UBXN2A: variants seen among roughly 807,000 people sequenced by gnomAD.
UBXN2A encodes the protein UBX domain-containing protein 2A.
In UBXN2A, 28 loss-of-function variants were observed where a neutral mutation model predicts 28.4. The observed-to-expected ratio is 0.99, with a 90% CI of 0.73 to 1.35. UBXN2A has a LOEUF of 1.35. Ranked by LOEUF, UBXN2A falls within the 40% of genes most tolerant of loss-of-function variation. The pLI, the probability that UBXN2A is intolerant of heterozygous loss-of-function variation, is 0.00. For synonymous variants in UBXN2A, 97 were observed against 103.6 expected, an observed-to-expected ratio of 0.94 and a Z score of 0.39; for missense variants, 253 against 297.9, an observed-to-expected ratio of 0.85 and a Z score of 1.11.
chr2:23,946,711 C>T (rs1243361859), intron 1 of UBXN2A, among the ~76,000 whole-genome samples: 2 of 152,104 alleles, frequency 1.3e-5, no homozygotes, highest in African/African-American at 4.8e-5. Context: ...CTGCCTCAGC[C>T]TCCCAAAGTG....
chr2:23,987,960 A>G (rs553691069), intron 6 of UBXN2A, among the ~76,000 whole-genome samples: 42 of 151,758 alleles, frequency 2.8e-4, no homozygotes, highest in African/African-American at 9.4e-4. Context: ...CATCTCTACT[A>G]AAAATACAAA....
At chr2:23,987,291 A>C (rs971046374) in intron 6 of UBXN2A, among the ~76,000 whole-genome samples, 1 of 152,194 alleles carries the variant, frequency 6.6e-6, no homozygotes, top group Non-Finnish European at 1.5e-5. Flanking sequence ...GATTCTTATC[A>C]GTATACCTTA....
intron 3 of UBXN2A, among the ~76,000 whole-genome samples, chr2:23,975,814 C>T (rs974502504): frequency 4.6e-5 from 7 of 152,016 alleles, no homozygotes; most frequent in Admixed American, 1.3e-4. Flanking sequence ...TTAGTAGAGA[C>T]GGGGTTTCTC....
At chr2:23,956,527 AT>A (rs1706633621) in intron 1 of UBXN2A, among the ~76,000 whole-genome samples, 1 of 151,374 alleles carries the variant, frequency 6.6e-6, no homozygotes, top group African/African-American at 2.4e-5. Flanking sequence ...TAATTTTTGT[AT>A]TTTTAGTGGA....
intron 1 of UBXN2A, among the ~76,000 whole-genome samples, chr2:23,956,687 G>A (rs977535326): frequency 5.3e-5 from 8 of 152,166 alleles, no homozygotes; most frequent in African/African-American, 1.7e-4. Context: ...CTTTTCTGGG[G>A]TAAAAGTTTC....
upstream of UBXN2A, chr2:23,939,719 G>A (rs376886138): frequency 6.6e-6 from 1 of 152,436 alleles, no homozygotes. Flanking sequence ...AATTTAGAGG[G>A]TCTGGGCCTG....
intron 4 of UBXN2A, among the ~76,000 whole-genome samples, chr2:23,978,264 A>G (rs1371084152): frequency 2.0e-5 from 3 of 152,230 alleles, no homozygotes; most frequent in East Asian, 3.8e-4. Context: ...ATGTTTAAAT[A>G]TCTTTAAAGT....
intron 1 of UBXN2A, among the ~76,000 whole-genome samples, chr2:23,954,488 T>C (rs1439633245): frequency 6.6e-6 from 1 of 152,222 alleles, no homozygotes; most frequent in Non-Finnish European, 1.5e-5. Context: ...CAAAATGTTT[T>C]CCTCAGCAGC....
At chr2:23,953,717 ATG>A (rs1706482200) in intron 1 of UBXN2A, among the ~76,000 whole-genome samples, 1 of 152,206 alleles carries the variant, frequency 6.6e-6, no homozygotes, top group African/African-American at 2.4e-5. Context: ...GTTGAAGAAA[ATG>A]GATCATTTTT....
At chr2:23,944,919 A>G (rs1573534936) in intron 1 of UBXN2A, among the ~76,000 whole-genome samples, 1 of 152,332 alleles carries the variant, frequency 6.6e-6, no homozygotes, top group East Asian at 1.9e-4. Context: ...AGCTGCTTTG[A>G]GGAGAAAATA....
intron 4 of UBXN2A, chr2:23,977,287 A>C: frequency 5.1e-6 from 1 of 195,512 alleles, no homozygotes; most frequent in South Asian, 1.3e-4. Flanking sequence ...TGCTTGCACT[A>C]CTGCACTCCA....
At chr2:23,998,577 G>T (rs773210494) in intron 6 of UBXN2A, among the ~76,000 whole-genome samples, 1 of 152,080 alleles carries the variant, frequency 6.6e-6, no homozygotes, top group African/African-American at 2.4e-5. Context: ...AAAACTAGCC[G>T]GATGTGGTGG....
intron 1 of UBXN2A, among the ~76,000 whole-genome samples, chr2:23,930,994 GTC>G (rs1401475948): frequency 6.6e-6 from 1 of 152,100 alleles, no homozygotes; most frequent in Non-Finnish European, 1.5e-5. Flanking sequence ...GTGAAACCCT[GTC>G]TCTCCTAAAA....
intron 5 of UBXN2A, 50 bp from the exon 6 acceptor site, chr2:23,984,623 G>A (rs747842619): frequency 7.3e-7 from 1 of 1,363,644 alleles, no homozygotes; most frequent in Non-Finnish European, 9.5e-7. Flanking sequence ...TAATAATAAA[G>A]TTTTATTGAA....
chr2:23,987,798 A>T (rs973948670), intron 6 of UBXN2A, among the ~76,000 whole-genome samples: 3 of 151,100 alleles, frequency 2.0e-5, no homozygotes, highest in African/African-American at 4.9e-5. Flanking sequence ...AAAACAAAAA[A>T]AACTTACAGA....
chr2:23,945,779 CAATTTTTAATTT>C (rs1048413649), intron 1 of UBXN2A, among the ~76,000 whole-genome samples: 3 of 151,108 alleles, frequency 2.0e-5, no homozygotes, highest in Non-Finnish European at 2.9e-5. Flanking sequence ...TTGTAATGTG[CAATTTTTAATTT>C]AATTTTTAAT....
chr2:23,987,774 T>C (rs1708188079), intron 6 of UBXN2A, among the ~76,000 whole-genome samples: 1 of 65,070 alleles, frequency 1.5e-5, no homozygotes, highest in Non-Finnish European at 3.3e-5. Context: ...CGAGACTCCA[T>C]CTCAAAAAAA....
chr2:23,944,494 C>G (rs1343244467), intron 1 of UBXN2A: 1 of 632,098 alleles, frequency 1.6e-6, no homozygotes, highest in East Asian at 3.2e-5. Flanking sequence ...TGGAACAGTA[C>G]AGTACCTTGT....
chr2:23,988,820 C>A (rs1216119596), intron 6 of UBXN2A, among the ~76,000 whole-genome samples: 1 of 152,146 alleles, frequency 6.6e-6, no homozygotes, highest in Non-Finnish European at 1.5e-5. Context: ...TGAACTCTTA[C>A]CATCATTATT....
Sources: gnomAD v4.1 joint callset for allele counts (sites outside exome capture counted in the v4.1 genomes callset) on GRCh38, gnomAD v4.1.1 for gene constraint, MANE v1.5 for transcripts, NCBI Gene and HGNC (gene_info 2026-07-23, HGNC 2026-07-21) for gene names.